TNNI3K: variants seen among roughly 807,000 people sequenced by gnomAD.
The protein encoded by TNNI3K is serine/threonine-protein kinase TNNI3K.
In TNNI3K, 140 loss-of-function variants were observed where a neutral mutation model predicts 114.5. That is an observed-to-expected ratio of 1.22 (90% CI 1.07 to 1.41). TNNI3K has a LOEUF of 1.41. Among genes scored for constraint, TNNI3K ranks in the 40% most tolerant of loss-of-function variants. The probability of loss-of-function intolerance (pLI) is 0.00; values close to 1 mark genes in which losing one functional copy is unlikely to be tolerated. For missense variants in TNNI3K, 1,125 were observed against 1,007.6 expected, an observed-to-expected ratio of 1.12 and a Z score of -1.58; for synonymous variants, 347 against 347.5, an observed-to-expected ratio of 1.00 and a Z score of 0.02.
chr1:74,458,168 C>T (rs911887680), intron 20 of TNNI3K, among the ~76,000 whole-genome samples: 2 of 152,112 alleles, frequency 1.3e-5, no homozygotes, highest in Non-Finnish European at 2.9e-5. Context: ...TCCTACTAAC[C>T]TGTGGGTTAA....
At chr1:74,466,565 G>A (rs1667690810) in intron 21 of TNNI3K, among the ~76,000 whole-genome samples, 1 of 152,184 alleles carries the variant, frequency 6.6e-6, no homozygotes, top group Non-Finnish European at 1.5e-5. Context: ...CTGCTGATGA[G>A]ATGAAGAGGG....
At chr1:74,276,619 C>T (rs1656702545) in intron 5 of TNNI3K, among the ~76,000 whole-genome samples, 2 of 152,018 alleles carry the variant, frequency 1.3e-5, no homozygotes, top group Non-Finnish European at 1.5e-5. Context: ...GAAATAGCAA[C>T]GGATCAGTGG....
At chr1:74,368,250 T>C (rs1478354709) in intron 13 of TNNI3K, among the ~76,000 whole-genome samples, 2 of 151,756 alleles carry the variant, frequency 1.3e-5, no homozygotes, top group Non-Finnish European at 2.9e-5. Flanking sequence ...TTATAAATAT[T>C]AATATTTCTT....
chr1:74,433,007 G>A (rs1665966837), intron 17 of TNNI3K, among the ~76,000 whole-genome samples: 1 of 152,026 alleles, frequency 6.6e-6, no homozygotes, highest in African/African-American at 2.4e-5. Flanking sequence ...ATGGAAAAAT[G>A]TTGAAAACAC....
intron 17 of TNNI3K, among the ~76,000 whole-genome samples, chr1:74,428,993 A>G (rs1187579688): frequency 1.3e-5 from 2 of 152,068 alleles, no homozygotes. Context: ...AACTTAAAGT[A>G]TGCGATATCT....
intron 20 of TNNI3K, among the ~76,000 whole-genome samples, chr1:74,454,439 A>G (rs1667149253): frequency 6.6e-6 from 1 of 151,998 alleles, no homozygotes; most frequent in African/African-American, 2.4e-5. Flanking sequence ...ATTTTTATTT[A>G]AGCTCCCACA....
chr1:74,514,122 C>T (rs762514712), intron 23 of TNNI3K, among the ~76,000 whole-genome samples: 12 of 152,136 alleles, frequency 7.9e-5, no homozygotes, highest in Admixed American at 2.6e-4. Context: ...TAGAAGCTTC[C>T]TTTATGAATC....
chr1:74,482,086 TC>T (rs1668533200), intron 21 of TNNI3K, among the ~76,000 whole-genome samples: 1 of 152,218 alleles, frequency 6.6e-6, no homozygotes, highest in East Asian at 1.9e-4. Flanking sequence ...TTCTATTAAT[TC>T]TGGCCAGTTC....
At chr1:74,472,311 T>G in intron 21 of TNNI3K, 1 of 610,882 alleles carries the variant, frequency 1.6e-6, no homozygotes, top group Non-Finnish European at 2.9e-6. Context: ...CTCTGATAAT[T>G]GCAGTTCTTC....
Position 74,463,472 on chromosome 1 carries a change from C to T in TNNI3K, c.2043C>T (p.His681=). 15 of 1,614,222 alleles carry T rather than the reference C, an allele frequency of 9.3e-6. No homozygotes were observed. The highest frequency in any genetic ancestry group is 1.2e-5 in the Non-Finnish European group (14 of 1,180,044). ...CGGCAGCAGACATGGCTTACCACCA[C>T]ATCAGACCTCCCATTGGCTATTCCA... The part of the protein sequence containing the change: ...AAAAADMAYH[H]IRPPIGYSIP... Residue 681 remains histidine (H), a synonymous_variant, in exon 21 of 25, where the codon CAC becomes CAT. Transcript: ENST00000326637.
rs1454202703 is a variant in TNNI3K, at chr1:74,369,574, T to G, written c.1656T>G (p.His552Gln). Residue 552 changes from histidine to glutamine, a missense_variant, in exon 16 of 25, where the codon CAT becomes CAG. Transcript: ENST00000326637. Reference protein sequence around the residue: ...ISGGSLFSLLHEQKRILDLQS... With the variant: ...ISGGSLFSLLQEQKRILDLQS... ...GGGGTTCTCTGTTCTCCCTCCTTCA[T>G]GAGCAGAAGAGGTATGGGTCTTTTG... 5 of 1,607,202 alleles carry G rather than the reference T, an allele frequency of 3.1e-6. No homozygotes were observed. Among genetic ancestry groups the G allele is most frequent in the Non-Finnish European group, 4.2e-6 (5 of 1,177,010 alleles).
At chr1:74,276,339 G>A (rs1400318923) in intron 5 of TNNI3K, among the ~76,000 whole-genome samples, 3 of 152,034 alleles carry the variant, frequency 2.0e-5, no homozygotes, top group Non-Finnish European at 2.9e-5. Flanking sequence ...TCATAGGACC[G>A]AGCCTAAGAG....
At chr1:74,399,410 CT>C (rs1233686242) in intron 17 of TNNI3K, among the ~76,000 whole-genome samples, 1 of 152,122 alleles carries the variant, frequency 6.6e-6, no homozygotes, top group East Asian at 1.9e-4. Flanking sequence ...GTTGAAAGGA[CT>C]TCTGACTCAA....
rs190815152 is a variant in TNNI3K, at chr1:74,443,844, G to A, written c.2011+4222G>A. Among the ~76,000 whole-genome samples, 679 of 152,266 alleles carry A rather than the reference G, an allele frequency of 4.5e-3. 5 individuals carry two copies. The highest frequency in any genetic ancestry group is 0.016 in the African/African-American group (654 of 41,558). ...GTGGGCTTCATCCCCACGATGTAAG[G>A]CTGGTTCAGCATATGCAAATCAATA... On this transcript the variant is annotated intron_variant, in intron 20 of 24. Transcript: ENST00000326637.
intron 23 of TNNI3K, among the ~76,000 whole-genome samples, chr1:74,536,920 C>T (rs1646667111): frequency 6.6e-6 from 1 of 152,172 alleles, no homozygotes; most frequent in South Asian, 2.1e-4. Flanking sequence ...ATCCGGGCAT[C>T]TGTGAAATGC....
chr1:74,348,034 G>T (rs1026377103), intron 9 of TNNI3K, among the ~76,000 whole-genome samples: 7 of 152,144 alleles, frequency 4.6e-5, no homozygotes, highest in African/African-American at 1.7e-4. Flanking sequence ...GGCTTTTGTT[G>T]TCATTGCTTT....
In TNNI3K at chr1:74,451,646, C is replaced by CCTTTCTTT. The variant is rs1354584261; in HGVS notation, c.2012-11795_2012-11794insCTTTCTTT. 1.5e-4 allele frequency among the ~76,000 whole-genome samples: 16 copies of CCTTTCTTT among 105,754 alleles called. No individual in the cohort carries two copies. The East Asian group carries it at 3.2e-3, about 21-fold the overall frequency. 69.4% of individuals were successfully genotyped at this position (105,754 alleles called of 152,430 possible). On this transcript the variant is annotated intron_variant, in intron 20 of 24. Transcript: ENST00000326637. Reference sequence around the variant, plus strand: ...TCCTTCCTTTTCTTTTTCTTTCTTTCTTTCCTTTCTTTTTTCTTTTCTTTT... The same window carrying CCTTTCTTT: ...TCCTTCCTTTTCTTTTTCTTTCTTTCCTTTCTTTTTTCCTTTCTTTTTTCTTTTCTTTT...
intron 19 of TNNI3K, 21 bp from the exon 20 acceptor site, chr1:74,439,469 T>C: frequency 1.2e-6 from 2 of 1,606,868 alleles, no homozygotes; most frequent in Non-Finnish European, 1.7e-6. Flanking sequence ...AAATGGCTTG[T>C]GGATGTTTCT....
At chr1:74,246,839 A>G (rs560151257) in intron 2 of TNNI3K, among the ~76,000 whole-genome samples, 27 of 152,314 alleles carry the variant, frequency 1.8e-4, no homozygotes, top group African/African-American at 6.3e-4. Flanking sequence ...CTGTTTTCAA[A>G]GTGGAAAAAA....
Sources: allele counts gnomAD v4.1 joint callset (sites outside exome capture counted in the v4.1 genomes callset), GRCh38; gene constraint gnomAD v4.1.1; transcripts MANE v1.5; gene names NCBI Gene and HGNC (gene_info 2026-07-23, HGNC 2026-07-21).